The following MAK variants were observed in gnomAD, a reference collection of about 807,000 sequenced individuals.
MAK encodes the protein serine/threonine-protein kinase MAK.
Under a neutral mutation model 82.6 loss-of-function variants are expected in MAK, and 65 were observed. That is an observed-to-expected ratio of 0.79 (90% CI 0.64 to 0.97). The LOEUF (loss-of-function observed/expected upper bound fraction) is 0.97, where lower values mean the gene tolerates loss of function less well. Ranked by LOEUF, MAK falls within the 50% of genes least tolerant of loss-of-function variation. The probability of loss-of-function intolerance (pLI) is 0.00; values close to 1 mark genes in which losing one functional copy is unlikely to be tolerated. For missense variants in MAK, 703 were observed against 780.2 expected, an observed-to-expected ratio of 0.90 and a Z score of 1.18; for synonymous variants, 250 against 274.2, an observed-to-expected ratio of 0.91 and a Z score of 0.87.
intron 11 of MAK, among the ~76,000 whole-genome samples, chr6:10,777,029 CA>C (rs1773518231): frequency 6.7e-6 from 1 of 150,212 alleles, no homozygotes; most frequent in Admixed American, 6.7e-5. Flanking sequence ...GCCTGGGCAA[CA>C]GAGTGAGACT....
chr6:10,792,822 C>G (rs1330747169), intron 9 of MAK, among the ~76,000 whole-genome samples: 2 of 152,112 alleles, frequency 1.3e-5, no homozygotes, highest in African/African-American at 2.4e-5. Flanking sequence ...GCCAGCTTCT[C>G]TACACTATTA....
chr6:10,835,082 TG>T (rs1779069039), intron 1 of MAK, among the ~76,000 whole-genome samples: 1 of 152,244 alleles, frequency 6.6e-6, no homozygotes, highest in Non-Finnish European at 1.5e-5. Flanking sequence ...GTCCTGCGTC[TG>T]GATGATTAAA....
At chr6:10,810,345 C>CTTTTTTTTTTTTTTT (rs111859354) in intron 5 of MAK, among the ~76,000 whole-genome samples, 4 of 121,666 alleles carry the variant, frequency 3.3e-5, no homozygotes, top group African/African-American at 6.2e-5. Flanking sequence ...TTATCTTTTT[C>CTTTTTTTTTTTTTTT]TTTTTTTTTT....
chr6:10,834,569 T>C (rs1428912547), intron 1 of MAK, among the ~76,000 whole-genome samples: 1 of 152,126 alleles, frequency 6.6e-6, no homozygotes, highest in Non-Finnish European at 1.5e-5. Flanking sequence ...CACCTTAAGA[T>C]TCCTAATGCA....
chr6:10,815,151 T>C (rs898059093), intron 4 of MAK, among the ~76,000 whole-genome samples: 6 of 148,506 alleles, frequency 4.0e-5, no homozygotes, highest in Admixed American at 1.3e-4. Context: ...TTTTTAACAA[T>C]ATATTTAATT....
chr6:10,823,001 T>C (rs1778080906), intron 2 of MAK, among the ~76,000 whole-genome samples: 1 of 152,204 alleles, frequency 6.6e-6, no homozygotes, highest in Non-Finnish European at 1.5e-5. Flanking sequence ...TGTAGTGTTC[T>C]CCCAACTTCT....
At chr6:10,822,790 A>G (rs1051550230) in intron 2 of MAK, among the ~76,000 whole-genome samples, 1 of 152,222 alleles carries the variant, frequency 6.6e-6, no homozygotes, top group Non-Finnish European at 1.5e-5. Flanking sequence ...CTTCAGAAAT[A>G]GAACTACCTC....
At chr6:10,797,941 T>C (rs1009883351) in intron 8 of MAK, 3 of 1,229,224 alleles carry the variant, frequency 2.4e-6, no homozygotes, top group African/African-American at 3.2e-5. Flanking sequence ...TACACAAATA[T>C]ACATAATTTG....
Position 10,766,117 on chromosome 6 carries a change from GGTTTAAATA to G in MAK, c.1793-1520_1793-1512del, listed in dbSNP as rs1251229332. Among the ~76,000 whole-genome samples, 3 of 152,068 alleles carry G rather than the reference GGTTTAAATA, an allele frequency of 2.0e-5. No homozygotes were observed. In the East Asian group the frequency reaches 5.8e-4, roughly 29 times the overall value. ...AGGGATGTCTGCTTTTTCCATCTGG[GGTTTAAATA>G]TCTCTTCACACTGTGTAGTAGCTGC... On this transcript the variant is annotated intron_variant, in intron 14 of 14. Transcript: ENST00000354489.
intron 9 of MAK, among the ~76,000 whole-genome samples, chr6:10,795,744 CAAAAA>C (rs1561962118): frequency 1.3e-5 from 2 of 151,698 alleles, no homozygotes; most frequent in Admixed American, 6.6e-5. Context: ...ACCTCCGTCT[CAAAAA>C]AAGAAAAAGA....
At chr6:10,817,074 A>C (rs1221147330) in intron 4 of MAK, among the ~76,000 whole-genome samples, 1 of 152,168 alleles carries the variant, frequency 6.6e-6, no homozygotes, top group Non-Finnish European at 1.5e-5. Context: ...GTTTTGAGAA[A>C]GGGAAAAATA....
chr6:10,769,513 T>C (rs937402004), intron 14 of MAK, among the ~76,000 whole-genome samples: 10 of 152,224 alleles, frequency 6.6e-5, no homozygotes, highest in African/African-American at 2.4e-4. Context: ...TGAATACTAT[T>C]GCAAAGCAAA....
intron 10 of MAK, among the ~76,000 whole-genome samples, chr6:10,786,113 C>T (rs1354670253): frequency 3.3e-5 from 5 of 151,918 alleles, no homozygotes; most frequent in African/African-American, 7.3e-5. Flanking sequence ...GGCATGGTGG[C>T]GGCCACCTGT....
intron 4 of MAK, among the ~76,000 whole-genome samples, chr6:10,815,945 T>TATATATATATATATATATATATATAAAA (rs1171616235): frequency 4.3e-5 from 5 of 116,820 alleles, no homozygotes; most frequent in African/African-American, 1.9e-4. Flanking sequence ...TATATATATA[T>TATATATATATATATATATATATATAAAA]ATGTATGTTT....
intron 5 of MAK, among the ~76,000 whole-genome samples, chr6:10,813,032 G>T (rs1004761456): frequency 7.9e-6 from 1 of 126,100 alleles, no homozygotes; most frequent in African/African-American, 2.9e-5. Flanking sequence ...GCCTCCCAAA[G>T]TGCTGGGATT....
Position 10,791,852 on chromosome 6 carries a change from G to A in MAK, c.1144-5C>T, listed in dbSNP as rs2127542679. ...ACTCAGTGTGCCATTTGGCTTCTGT[G>A]GTGGAAAATCAGTCATCATAATCTT... On this transcript the variant is annotated splice_polypyrimidine_tract_variant and splice_region_variant and intron_variant, in intron 9 of 14. Coordinates refer to ENST00000354489, the MANE Select transcript of MAK (RefSeq NM_001242957.3). 1 of 1,614,006 alleles carries A rather than the reference G, an allele frequency of 6.2e-7. No individual in the cohort carries two copies. Among genetic ancestry groups the A allele is most frequent in the African/African-American group, 1.3e-5 (1 of 75,010 alleles).
chr6:10,766,968 T>TA (rs1772498370), intron 14 of MAK, among the ~76,000 whole-genome samples: 1 of 152,188 alleles, frequency 6.6e-6, no homozygotes, highest in Non-Finnish European at 1.5e-5. Flanking sequence ...CTTTCCTAGA[T>TA]ATACTAGAAT....
At chr6:10,787,528 T>C (rs1339381512) in intron 10 of MAK, among the ~76,000 whole-genome samples, 1 of 152,054 alleles carries the variant, frequency 6.6e-6, no homozygotes, top group Non-Finnish European at 1.5e-5. Flanking sequence ...ATGCCTAGAA[T>C]TGTACAAGAC....
chr6:10,825,519 T>A lies in MAK; in HGVS notation c.101+5029A>T, dbSNP rs958052056. Among the ~76,000 whole-genome samples the A allele has an allele frequency of 2.6e-5, 4 of 152,184 alleles. No homozygotes were observed. The South Asian group carries it at 8.3e-4, about 32-fold the overall frequency. ...CCTCTAAAGAGTTTCAATTGCCATC[T>A]GTAGACTAACCATTCCAAATCATTA... is the stretch of plus-strand genomic sequence containing the variant. On this transcript the variant is annotated intron_variant, in intron 2 of 14. Coordinates refer to ENST00000354489, the MANE Select transcript of MAK (RefSeq NM_001242957.3).
Sources: gnomAD v4.1 joint callset for allele counts (sites outside exome capture counted in the v4.1 genomes callset) on GRCh38, gnomAD v4.1.1 for gene constraint, MANE v1.5 for transcripts, NCBI Gene and HGNC (gene_info 2026-07-23, HGNC 2026-07-21) for gene names.